Variants in HECTD2 observed in about 807,000 individuals in gnomAD.
The protein encoded by HECTD2 is probable E3 ubiquitin-protein ligase HECTD2.
In HECTD2, 35 loss-of-function variants were observed where a neutral mutation model predicts 103.2. The ratio of observed to expected loss-of-function variants is 0.34; its 90% CI spans 0.26 to 0.45. The LOEUF (loss-of-function observed/expected upper bound fraction) is 0.45. Ranked by LOEUF, HECTD2 falls within the 20% of genes least tolerant of loss-of-function variation. HECTD2 has a pLI of 1.00. For missense variants in HECTD2, 596 were observed against 937.4 expected (o/e 0.64, Z 4.76); for synonymous variants, 281 against 329.9 (o/e 0.85, Z 1.61).
chr10:91,429,090 G>C (rs1048233209), intron 2 of HECTD2, among the ~76,000 whole-genome samples: 7 of 151,966 alleles, frequency 4.6e-5, no homozygotes, highest in South Asian at 2.1e-4. Flanking sequence ...AGCATGAAGG[G>C]TTGTTGAATT....
intron 5 of HECTD2, among the ~76,000 whole-genome samples, chr10:91,476,836 C>T (rs984754590): frequency 2.6e-5 from 4 of 152,116 alleles, no homozygotes; most frequent in Non-Finnish European, 4.4e-5. Flanking sequence ...GGGGTGTGGT[C>T]GTCTTGATCC....
chr10:91,436,819 C>G (rs554285388), intron 2 of HECTD2, among the ~76,000 whole-genome samples: 1 of 152,122 alleles, frequency 6.6e-6, no homozygotes, highest in African/African-American at 2.4e-5. Context: ...ATTTAGCTGT[C>G]TCAGGTCTAC....
intron 8 of HECTD2, chr10:91,484,217 G>T: frequency 1.6e-6 from 1 of 635,774 alleles, no homozygotes; most frequent in Non-Finnish European, 2.6e-6. Flanking sequence ...ATTTTACCAA[G>T]TAGGCAAATT....
chr10:91,421,453 T>C (rs940075191), intron 1 of HECTD2, among the ~76,000 whole-genome samples: 7 of 152,162 alleles, frequency 4.6e-5, no homozygotes, highest in African/African-American at 1.4e-4. Flanking sequence ...AATTGTCTTG[T>C]GTCACACATA....
chr10:91,423,748 TTTATA>T (rs1327090879), intron 1 of HECTD2, among the ~76,000 whole-genome samples: 3 of 152,166 alleles, frequency 2.0e-5, no homozygotes, highest in African/African-American at 7.2e-5. Flanking sequence ...TTTGGGCTCT[TTTATA>T]TTAATTTCTT....
chr10:91,452,500 G>A (rs972781972), intron 2 of HECTD2, among the ~76,000 whole-genome samples: 2 of 152,026 alleles, frequency 1.3e-5, no homozygotes, highest in African/African-American at 2.4e-5. Flanking sequence ...GGACCTTTAA[G>A]AGGTAATTGA....
chr10:91,422,245 T>C (rs1051916082), intron 1 of HECTD2, among the ~76,000 whole-genome samples: 1 of 152,170 alleles, frequency 6.6e-6, no homozygotes, highest in Non-Finnish European at 1.5e-5. Context: ...TCTCCCTTTC[T>C]GATTCTATAT....
rs1182573228 is a variant in HECTD2, at chr10:91,487,899, C to T, written c.1191+121C>T. 5 of 604,844 alleles carry T rather than the reference C, an allele frequency of 8.3e-6. No individual in the cohort carries two copies. The highest frequency in any genetic ancestry group is 4.8e-4 in the Middle Eastern group (1 of 2,088). The allele number at this position is 604,844 out of a possible 1,614,324, so 37.5% of individuals were successfully genotyped here. On this transcript the variant is annotated intron_variant, in intron 11 of 20. Transcript: ENST00000298068. This position sits in a 1 kb window ranked among gnomAD's most constrained non-coding sequence, Gnocchi z 4.1. ...AATCAGGAATGTTAAAAGCAAAATT[C>T]GTGTTATACTCACCCAAAAAGTGCT...
In HECTD2 at chr10:91,512,564, A is replaced by G. The variant is rs1415372251; in HGVS notation, c.*180A>G. ...AGCAAAGGCATAATTTTCTAAAAAC[A>G]CACACAGAAATCGCTTGAGTGAGGA... On this transcript the variant is annotated 3_prime_UTR_variant, in exon 21 of 21. Coordinates refer to ENST00000298068, the MANE Select transcript of HECTD2 (RefSeq NM_182765.6). 2.1e-5 allele frequency: 12 copies of G among 575,934 alleles called. No homozygotes were observed. Among genetic ancestry groups the G allele is most frequent in the Non-Finnish European group, 2.6e-5 (9 of 339,990 alleles). 35.7% of individuals were successfully genotyped at this position (575,934 alleles called of 1,614,324 possible).
At chr10:91,474,232 A>G (rs1300430653) in intron 5 of HECTD2, among the ~76,000 whole-genome samples, 1 of 152,202 alleles carries the variant, frequency 6.6e-6, no homozygotes, top group Non-Finnish European at 1.5e-5. Context: ...TTAAAAAGTG[A>G]GTTGAATGAA....
At chr10:91,431,320 C>G (rs1843857209) in intron 2 of HECTD2, among the ~76,000 whole-genome samples, 1 of 151,916 alleles carries the variant, frequency 6.6e-6, no homozygotes, top group Admixed American at 6.6e-5. Flanking sequence ...ACATTTTTTC[C>G]TTCATTTCAA....
chr10:91,499,919 C>T (rs1048165695), intron 18 of HECTD2, among the ~76,000 whole-genome samples: 1 of 152,020 alleles, frequency 6.6e-6, no homozygotes, highest in Non-Finnish European at 1.5e-5. Flanking sequence ...GTCGAAAATA[C>T]CTTTGAAAGA....
At chr10:91,498,797 A>G in intron 16 of HECTD2, 75 bp from the exon 17 acceptor site, 1 of 889,374 alleles carries the variant, frequency 1.1e-6, no homozygotes, top group Admixed American at 2.5e-5. Flanking sequence ...CTGTTTTTTA[A>G]ATTTTACAAA....
intron 1 of HECTD2, among the ~76,000 whole-genome samples, chr10:91,415,113 G>C (rs986481229): frequency 2.0e-5 from 3 of 151,924 alleles, no homozygotes; most frequent in African/African-American, 7.3e-5. Flanking sequence ...CTAGACAGCA[G>C]AAATGAAAGA....
chr10:91,409,517 G>C (rs1327947304), upstream of HECTD2: 1 of 152,952 alleles, frequency 6.5e-6, no homozygotes, highest in Admixed American at 6.5e-5. Flanking sequence ...TAGGCGCGTG[G>C]GGACGGGAAG....
intron 1 of HECTD2, among the ~76,000 whole-genome samples, chr10:91,423,914 ATGAT>A (rs1325952881): frequency 2.0e-5 from 3 of 152,186 alleles, no homozygotes; most frequent in Non-Finnish European, 4.4e-5. Flanking sequence ...ATAAATAAGA[ATGAT>A]TGGTTTTATA....
At position 91,425,397 on chromosome 10, in the gene HECTD2, T is replaced by C; in HGVS notation, c.255T>C (p.Pro85=). Residue 85 remains proline, a synonymous_variant, in exon 2 of 21, where the codon CCT becomes CCC. Coordinates refer to ENST00000298068, the MANE Select transcript of HECTD2 (RefSeq NM_182765.6). Reference sequence around the variant, plus strand: ...GTTCACCTGCACATCTTGTTTTCCCTAACATCAAGAATGGTAAATAATTTT... The same window carrying C: ...GTTCACCTGCACATCTTGTTTTCCCCAACATCAAGAATGGTAAATAATTTT... The part of the protein sequence containing the change: ...NRSSPAHLVF[P]NIKNVREPPP... 1 of 1,559,472 alleles carries C rather than the reference T, an allele frequency of 6.4e-7. No individual in the cohort carries two copies. Among genetic ancestry groups the C allele is most frequent in the Non-Finnish European group, 8.7e-7 (1 of 1,149,132 alleles).
chr10:91,493,237 C>T (rs1203535009), intron 13 of HECTD2, among the ~76,000 whole-genome samples, 183 bp from the exon 14 acceptor site: 4 of 151,134 alleles, frequency 2.6e-5, no homozygotes, highest in African/African-American at 4.9e-5. Flanking sequence ...TTTATATTTG[C>T]TGAGATTTGC....
intron 6 of HECTD2, among the ~76,000 whole-genome samples, chr10:91,479,051 TA>T (rs1381156372): frequency 6.6e-6 from 1 of 152,128 alleles, no homozygotes; most frequent in Non-Finnish European, 1.5e-5. Context: ...CCATTTCTAC[TA>T]AAAATACAAA....
Sources: gnomAD v4.1 joint callset for allele counts (sites outside exome capture counted in the v4.1 genomes callset) on GRCh38, gnomAD v4.1.1 for gene constraint, Gnocchi (gnomAD v3.1) non-coding constraint, MANE v1.5 for transcripts, NCBI Gene and HGNC (gene_info 2026-07-23, HGNC 2026-07-21) for gene names.